Variants in PCDHGA1 observed in about 807,000 individuals in gnomAD.
PCDHGA1 encodes protocadherin gamma subfamily A, 1.
PCDHGA1 carries 32 observed loss-of-function variants against 58.0 expected under a neutral mutation model. That is an observed-to-expected ratio of 0.55 (90% CI 0.42 to 0.74). The LOEUF is 0.74. PCDHGA1 is among the 30% of genes least tolerant of loss of function. The pLI, the probability that PCDHGA1 is intolerant of heterozygous loss-of-function variation, is 0.00. For synonymous variants in PCDHGA1, 498 were observed against 501.1 expected (o/e 0.99, Z 0.08); for missense variants, 1,205 against 1,182.3 (o/e 1.02, Z -0.28).
chr5:141,421,838 A>G (rs2096604619), intron 1 of PCDHGA1: 1 of 1,613,764 alleles, frequency 6.2e-7, no homozygotes, highest in East Asian at 2.2e-5. Flanking sequence ...CTGGACCGAG[A>G]GAAAGAGGCT....
chr5:141,423,569 TC>T (rs2096755253), intron 1 of PCDHGA1: 1 of 1,613,362 alleles, frequency 6.2e-7, no homozygotes, highest in Non-Finnish European at 8.5e-7. Context: ...GACACGCTCA[TC>T]AGCCAGGAGA....
Position 141,497,143 on chromosome 5 carries a change from G to GA in PCDHGA1, c.2480+2287dup, listed in dbSNP as rs928640875. ...AGAGGTTGCAGTGAGCTGAGATCAC[G>GA]AAAAAAAAATAATCTAGCCACAAAT... On this transcript the variant is annotated intron_variant, in intron 2 of 3. Coordinates refer to ENST00000517417, the MANE Select transcript of PCDHGA1 (RefSeq NM_018912.3). 1.3e-3 allele frequency among the ~76,000 whole-genome samples: 194 copies of GA among 150,104 alleles called. 4 individuals are homozygous for GA. The highest frequency in any genetic ancestry group is 7.6e-3 in the Admixed American group (115 of 15,100).
intron 1 of PCDHGA1, among the ~76,000 whole-genome samples, chr5:141,433,752 G>A (rs975941520): frequency 6.6e-6 from 1 of 151,206 alleles, no homozygotes; most frequent in Non-Finnish European, 1.5e-5. Context: ...CAGGAGAATT[G>A]CTTTAACCTG....
intron 1 of PCDHGA1, chr5:141,392,651 C>A: frequency 1.4e-6 from 1 of 708,948 alleles, no homozygotes; most frequent in Non-Finnish European, 2.2e-6. Context: ...CGAAGACCCG[C>A]AGATGCCACA....
At chr5:141,414,099 A>G in intron 1 of PCDHGA1, 1 of 1,593,504 alleles carries the variant, frequency 6.3e-7, no homozygotes, top group Non-Finnish European at 8.5e-7. Flanking sequence ...TAAAAATATC[A>G]GAAAATCTAG....
chr5:141,505,705 GAA>G (rs1250788277), intron 3 of PCDHGA1, among the ~76,000 whole-genome samples: 1 of 152,198 alleles, frequency 6.6e-6, no homozygotes, highest in Non-Finnish European at 1.5e-5. Flanking sequence ...AGCGAACAAG[GAA>G]AAGACTCATG....
chr5:141,492,078 C>T (rs948391194), intron 1 of PCDHGA1: 4 of 483,290 alleles, frequency 8.3e-6, no homozygotes, highest in African/African-American at 2.0e-5. Flanking sequence ...GCGCCGGCTC[C>T]GGCACGCTTC....
chr5:141,507,851 C>T (rs570052933), intron 3 of PCDHGA1, among the ~76,000 whole-genome samples: 48 of 152,322 alleles, frequency 3.2e-4, no homozygotes, highest in African/African-American at 1.1e-3. Context: ...CCTGCTCTCA[C>T]TTTCACACCC....
At chr5:141,343,376 A>T in intron 1 of PCDHGA1, 2 of 982,238 alleles carry the variant, frequency 2.0e-6, no homozygotes, top group Non-Finnish European at 2.4e-6. Context: ...AGAGAGGGAA[A>T]GGTCAAAGAG....
chr5:141,487,596 A>T lies in PCDHGA1; in HGVS notation c.2422-7211A>T. The stretch of plus-strand genomic sequence containing the variant: ...GTTCGCCCAAGCTGCCCACCCTCTG[A>T]TCTTCTCTATGGGCTAGAGGTGAGA... On this transcript the variant is annotated intron_variant, in intron 1 of 3. Transcript: ENST00000517417. The surrounding 1 kb of genome is among the most constrained non-coding windows in gnomAD (Gnocchi z 5.0). The T allele has an allele frequency of 1.2e-6, 2 of 1,614,108 alleles. No individual in the cohort carries two copies. Among genetic ancestry groups the T allele is most frequent in the Non-Finnish European group, 8.5e-7 (1 of 1,180,024 alleles).
At chr5:141,408,002 T>A in intron 1 of PCDHGA1, 1 of 908,258 alleles carries the variant, frequency 1.1e-6, no homozygotes, top group Non-Finnish European at 1.6e-6. Flanking sequence ...GGCCTGGGAT[T>A]CCCTGCGCAG....
chr5:141,366,170 C>A lies in PCDHGA1; in HGVS notation c.2421+33065C>A, dbSNP rs757055364. 12 of 1,614,082 alleles carry A rather than the reference C, an allele frequency of 7.4e-6. No individual in the cohort carries two copies. The South Asian group carries it at 1.1e-4, about 15-fold the overall frequency. On this transcript the variant is annotated intron_variant, in intron 1 of 3. Coordinates refer to ENST00000517417, the MANE Select transcript of PCDHGA1 (RefSeq NM_018912.3). ...CTACCGCCTGCTTAAGGCCAGCGAG[C>A]CAGGACTCTTTGCGGTTGGGCTGCA...
intron 1 of PCDHGA1, chr5:141,398,793 A>C (rs376843278): frequency 6.2e-7 from 1 of 1,613,948 alleles, no homozygotes; most frequent in African/African-American, 1.3e-5. Context: ...ATCCACCCCT[A>C]AGCGGCACCA....
At chr5:141,407,370 A>G (rs1434825695) in intron 1 of PCDHGA1, among the ~76,000 whole-genome samples, 2 of 152,228 alleles carry the variant, frequency 1.3e-5, no homozygotes, top group Non-Finnish European at 2.9e-5. Flanking sequence ...ACAGATATCC[A>G]TGAAGGCTTG....
In PCDHGA1 at chr5:141,487,161, T is replaced by G; in HGVS notation, c.2422-7646T>G. ...CTCTCTACCTCTGTTACTCTCTTAGTGTCCTTAGAGGAAGACACTCATCCA... is the reference window on the plus strand; with the variant it reads ...CTCTCTACCTCTGTTACTCTCTTAGGGTCCTTAGAGGAAGACACTCATCCA... On this transcript the variant is annotated intron_variant, in intron 1 of 3. Transcript: ENST00000517417. The surrounding 1 kb of genome is among the most constrained non-coding windows in gnomAD (Gnocchi z 5.0). The G allele has an allele frequency of 6.2e-7, 1 of 1,613,528 alleles. No individual in the cohort carries two copies. The highest frequency in any genetic ancestry group is 1.1e-5 in the South Asian group (1 of 91,072).
chr5:141,402,965 A>G, intron 1 of PCDHGA1: 2 of 1,606,016 alleles, frequency 1.2e-6, no homozygotes, highest in Non-Finnish European at 1.7e-6. Flanking sequence ...GGCAGCTCCA[A>G]CCAAATGCCA....
intron 1 of PCDHGA1, chr5:141,357,466 G>A (rs1760618081): frequency 2.5e-6 from 4 of 1,614,180 alleles, no homozygotes; most frequent in Non-Finnish European, 3.4e-6. Context: ...CTATTCCCAC[G>A]AGGTCTCCCT....
chr5:141,346,784 C>T (rs539748939), intron 1 of PCDHGA1, among the ~76,000 whole-genome samples: 1 of 152,304 alleles, frequency 6.6e-6, no homozygotes, highest in East Asian at 1.9e-4. Context: ...CCTTGAGTAA[C>T]TATGATGAGA....
At chr5:141,374,945 A>T (rs779694385) in intron 1 of PCDHGA1, 1 of 1,614,034 alleles carries the variant, frequency 6.2e-7, no homozygotes, top group Non-Finnish European at 8.5e-7. Context: ...TACAGAAAAG[A>T]TCTCACAAAT....
Sources: gnomAD v4.1 joint callset for allele counts (sites outside exome capture counted in the v4.1 genomes callset) on GRCh38, gnomAD v4.1.1 for gene constraint, Gnocchi (gnomAD v3.1) non-coding constraint, MANE v1.5 for transcripts, NCBI Gene and HGNC (gene_info 2026-07-23, HGNC 2026-07-21) for gene names.